Variants in ADAMTS16 observed in about 807,000 individuals in gnomAD.
The protein encoded by ADAMTS16 is A disintegrin and metalloproteinase with thrombospondin motifs 16.
In ADAMTS16, 94 loss-of-function variants were observed where a neutral mutation model predicts 145.8. The ratio of observed to expected loss-of-function variants is 0.64; its 90% CI spans 0.55 to 0.77. The LOEUF is 0.77. ADAMTS16 is among the 30% of genes least tolerant of loss of function. The pLI is 0.00. For synonymous variants in ADAMTS16, 659 were observed against 604.3 expected (o/e 1.09, Z -1.33); for missense variants, 1,585 against 1,591.5 (o/e 1.00, Z 0.07).
chr5:5,140,374 C>A lies in ADAMTS16; in HGVS notation c.-94C>A. The stretch of plus-strand genomic sequence containing the variant: ...CGGCGGAGTCGCTGTGGGGAATCCT[C>A]CCGCGCTCTGCCTGGGTCGGGTCCT... On this transcript the variant is annotated 5_prime_UTR_variant, in exon 1 of 23. Coordinates refer to ENST00000274181, the MANE Select transcript of ADAMTS16 (RefSeq NM_139056.4). The A allele has an allele frequency of 7.8e-7, 1 of 1,284,006 alleles. No homozygotes were observed. Among genetic ancestry groups the A allele is most frequent in the South Asian group, 1.6e-5 (1 of 63,686 alleles). 79.5% of individuals were successfully genotyped at this position (1,284,006 alleles called of 1,614,324 possible).
intron 21 of ADAMTS16, among the ~76,000 whole-genome samples, chr5:5,311,547 CTTTT>C (rs11315258): frequency 7.2e-5 from 9 of 125,792 alleles, no homozygotes; most frequent in Non-Finnish European, 8.3e-5. Context: ...TAGTCTGCTC[CTTTT>C]TTTTTTTTTT....
chr5:5,182,448 CAG>C, intron 4 of ADAMTS16, 143 bp downstream of exon 4: 1 of 1,065,784 alleles, frequency 9.4e-7, no homozygotes, highest in African/African-American at 1.6e-5. Flanking sequence ...GCAATGATTC[CAG>C]AGAGAGTCCC....
intron 11 of ADAMTS16, among the ~76,000 whole-genome samples, chr5:5,227,840 G>A (rs1031153266): frequency 6.6e-6 from 1 of 152,144 alleles, no homozygotes; most frequent in African/African-American, 2.4e-5. Flanking sequence ...CAAAAGACTG[G>A]AAATAATGCA....
chr5:5,140,766 G>T lies in ADAMTS16; in HGVS notation c.175G>T (p.Glu59Ter). The T allele has an allele frequency of 1.3e-6, 2 of 1,557,632 alleles. No homozygotes were observed. Among genetic ancestry groups the T allele is most frequent in the Non-Finnish European group, 1.7e-6 (2 of 1,152,022 alleles). Residue 59 changes from glutamate to a stop codon, truncating the protein, a stop_gained and splice_region_variant, in exon 2 of 23, where the codon GAA becomes TAA. Transcript: ENST00000274181. LOFTEE classifies it high-confidence loss of function. ...AERPGWMEKGEYDLVSAYEVD... is the reference protein window; with the variant it reads ...AERPGWMEKG ...GCGGCCGGGCTGGATGGAAAAGGGC[G>T]GTAAGTCCGTGAGGTGGGGGCTTCT...
intron 11 of ADAMTS16, among the ~76,000 whole-genome samples, chr5:5,224,379 T>C (rs780279534): frequency 4.6e-5 from 7 of 152,138 alleles, no homozygotes; most frequent in Non-Finnish European, 1.0e-4. Flanking sequence ...AACCTCCGCC[T>C]CCCAGGTTCA....
At chr5:5,222,017 A>G (rs1736620246) in intron 10 of ADAMTS16, among the ~76,000 whole-genome samples, 3 of 152,240 alleles carry the variant, frequency 2.0e-5, no homozygotes, top group Non-Finnish European at 4.4e-5. Flanking sequence ...TACCGCCAGC[A>G]TTCCAGAAGG....
intron 11 of ADAMTS16, among the ~76,000 whole-genome samples, chr5:5,230,853 C>G (rs1328108224): frequency 6.6e-6 from 1 of 152,202 alleles, no homozygotes; most frequent in East Asian, 1.9e-4. Flanking sequence ...CTTCCACTAA[C>G]CTGACCTCAT....
intron 3 of ADAMTS16, among the ~76,000 whole-genome samples, chr5:5,168,738 ATAAAATATAATTATATAATTAT>A (rs1436630492): frequency 2.9e-5 from 4 of 139,256 alleles, no homozygotes; most frequent in African/African-American, 1.1e-4. Context: ...ATATAATTAT[ATAAAATATAATTATATAATTAT>A]ATTTTATTAT....
At position 5,303,595 on chromosome 5, in the gene ADAMTS16, G is replaced by A. The variant is rs1198190397; in HGVS notation, c.3015G>A (p.Gly1005=). The A allele has an allele frequency of 6.2e-7, 1 of 1,614,196 alleles. No individual in the cohort carries two copies. Among genetic ancestry groups the A allele is most frequent in the South Asian group, 1.1e-5 (1 of 91,084 alleles). ...AGTGCTCACACACCTGTGGGAAGGG[G>A]TGGAGGAAGCGGGCAGTGGCCTGTA... is the stretch of plus-strand genomic sequence containing the variant. ...WAECSHTCGK[G]WRKRAVACKS... Residue 1005 remains glycine (G), a synonymous_variant, in exon 20 of 23, where the codon GGG becomes GGA. Coordinates refer to ENST00000274181, the MANE Select transcript of ADAMTS16 (RefSeq NM_139056.4).
At chr5:5,242,327 G>A (rs55706045) in intron 17 of ADAMTS16, 136 bp downstream of exon 17, 215,113 of 1,228,268 alleles carry the variant, frequency 0.18, 19,914 homozygotes, top group Middle Eastern at 0.2. Flanking sequence ...TTCCCAAGGT[G>A]GGGAGTGGTG....
rs150283257 is a variant in ADAMTS16, at chr5:5,275,232, A to G, written c.2789+12449A>G. Among the ~76,000 whole-genome samples the G allele has an allele frequency of 1.7e-3, 258 of 152,350 alleles. 1 individual carries two copies. The highest frequency in any genetic ancestry group is 3.4e-3 in the Middle Eastern group (1 of 294). On this transcript the variant is annotated intron_variant, in intron 18 of 22. Coordinates refer to ENST00000274181, the MANE Select transcript of ADAMTS16 (RefSeq NM_139056.4). The stretch of plus-strand genomic sequence containing the variant: ...ATCAATAATTTAGAATTGTGGTTCT[A>G]TATTTCCAAATGTATGGAAGCTTCA...
intron 18 of ADAMTS16, among the ~76,000 whole-genome samples, chr5:5,270,249 C>T (rs944957948): frequency 6.6e-6 from 1 of 152,196 alleles, no homozygotes; most frequent in Non-Finnish European, 1.5e-5. Context: ...TCTCCAGGCT[C>T]CCTTCCCACA....
intron 11 of ADAMTS16, among the ~76,000 whole-genome samples, chr5:5,226,040 C>T (rs551278864): frequency 3.9e-5 from 6 of 152,236 alleles, no homozygotes; most frequent in Admixed American, 1.3e-4. Flanking sequence ...CATGGAGACA[C>T]GTGGCCTTCC....
rs747689759 is a variant in ADAMTS16 at position 5,239,790 on chromosome 5, C to T, written c.2388C>T (p.Tyr796=). 6.2e-7 allele frequency: 1 copy of T among 1,614,160 alleles called. No individual in the cohort carries two copies. The highest frequency in any genetic ancestry group is 8.5e-7 in the Non-Finnish European group (1 of 1,180,048). ...TGCGCAATGCCCTCAGAAGGTACTACCTGAATGGGCACTGGACCGTGGACT... is the reference window on the plus strand; with the variant it reads ...TGCGCAATGCCCTCAGAAGGTACTATCTGAATGGGCACTGGACCGTGGACT... ...ISVRNALRRY[Y]LNGHWTVDWP... Residue 796 remains tyrosine (Y), a synonymous_variant, in exon 16 of 23, where the codon TAC becomes TAT. Transcript: ENST00000274181.
At chr5:5,151,735 G>T (rs1297763447) in intron 3 of ADAMTS16, among the ~76,000 whole-genome samples, 2 of 149,214 alleles carry the variant, frequency 1.3e-5, no homozygotes, top group African/African-American at 5.0e-5. Context: ...TATGTGTGTG[G>T]GGGGTAAGAG....
Position 5,320,055 on chromosome 5 carries a change from G to T in ADAMTS16, c.*917G>T. 25 of 358,070 alleles carry T rather than the reference G, an allele frequency of 7.0e-5. No individual in the cohort carries two copies. The highest frequency in any genetic ancestry group is 2.3e-4 in the East Asian group (2 of 8,772). 22.2% of individuals were successfully genotyped at this position (358,070 alleles called of 1,614,324 possible). On this transcript the variant is annotated 3_prime_UTR_variant, in exon 23 of 23. Coordinates refer to ENST00000274181, the MANE Select transcript of ADAMTS16 (RefSeq NM_139056.4). The surrounding 1 kb of genome is among the most constrained non-coding windows in gnomAD (Gnocchi z 5.1). Reference sequence around the variant, plus strand: ...TGTGACAATAACCTTAGAGTCCTGTGTTTTGTTTTTGTGTGTTGTGAGATT... The same window carrying T: ...TGTGACAATAACCTTAGAGTCCTGTTTTTTGTTTTTGTGTGTTGTGAGATT...
At chr5:5,227,158 G>A (rs1445784788) in intron 11 of ADAMTS16, among the ~76,000 whole-genome samples, 2 of 152,252 alleles carry the variant, frequency 1.3e-5, no homozygotes, top group African/African-American at 2.4e-5. Flanking sequence ...CCCAGGTCAC[G>A]CAGCTCGCAG....
intron 11 of ADAMTS16, among the ~76,000 whole-genome samples, chr5:5,227,413 C>T (rs187693631): frequency 1.5e-3 from 222 of 152,012 alleles, no homozygotes; most frequent in Admixed American, 6.1e-3. Flanking sequence ...TTGGTATTTC[C>T]GTGGAAATCT....
Position 5,317,984 on chromosome 5 carries a change from G to A in ADAMTS16, c.3412-150G>A. 1 of 885,066 alleles carries A rather than the reference G, an allele frequency of 1.1e-6. No individual in the cohort carries two copies. The highest frequency in any genetic ancestry group is 1.5e-6 in the Non-Finnish European group (1 of 654,262). The allele number at this position is 885,066 out of a possible 1,614,324, so 54.8% of individuals were successfully genotyped here. A position where few individuals can be genotyped will look rare whatever the true frequency, so the allele number is the denominator to read the frequency against. ...ACCGTGCTCACTCGCGCACATCGTGGCCAACCATAACTCCACCTGCCTCTG... is the reference window on the plus strand; with the variant it reads ...ACCGTGCTCACTCGCGCACATCGTGACCAACCATAACTCCACCTGCCTCTG... On this transcript the variant is annotated intron_variant, in intron 21 of 22. Coordinates refer to ENST00000274181, the MANE Select transcript of ADAMTS16 (RefSeq NM_139056.4). This position sits in a 1 kb window ranked among gnomAD's most constrained non-coding sequence, Gnocchi z 4.5.
Sources: allele counts gnomAD v4.1 joint callset (sites outside exome capture counted in the v4.1 genomes callset), GRCh38; gene constraint gnomAD v4.1.1; non-coding constraint Gnocchi (gnomAD v3.1); transcripts MANE v1.5; gene names NCBI Gene and HGNC (gene_info 2026-07-23, HGNC 2026-07-21).